The following CALCRL variants were observed in gnomAD, a reference collection of about 807,000 sequenced individuals.
CALCRL encodes calcitonin receptor like receptor, also known as calcitonin gene-related peptide type 1 receptor.
In CALCRL, 27 loss-of-function variants were observed where a neutral mutation model predicts 60.4. The observed-to-expected ratio is 0.45, with a 90% CI of 0.33 to 0.62. The LOEUF (loss-of-function observed/expected upper bound fraction) is 0.62. CALCRL is among the 20% of genes least tolerant of loss of function. The pLI is 0.03. For synonymous variants in CALCRL, 190 were observed against 182.6 expected, an observed-to-expected ratio of 1.04 and a Z score of -0.33; for missense variants, 424 against 540.7, an observed-to-expected ratio of 0.78 and a Z score of 2.14.
intron 1 of CALCRL, among the ~76,000 whole-genome samples, chr2:187,440,221 A>C (rs1690827805): frequency 6.6e-6 from 1 of 152,142 alleles, no homozygotes; most frequent in Admixed American, 6.6e-5. Flanking sequence ...AGACGAAAAA[A>C]AAAAGCATGT....
At chr2:187,393,558 A>G (rs1449804260) in intron 1 of CALCRL, among the ~76,000 whole-genome samples, 3 of 152,136 alleles carry the variant, frequency 2.0e-5, no homozygotes, top group Non-Finnish European at 2.9e-5. Context: ...CTGCCATGAG[A>G]TTGTGAGCAC....
intron 1 of CALCRL, among the ~76,000 whole-genome samples, chr2:187,437,331 AG>A (rs1384081739): frequency 1.3e-5 from 2 of 152,164 alleles, no homozygotes; most frequent in Non-Finnish European, 2.9e-5. Flanking sequence ...TCACGAGATC[AG>A]GAAATCAAGA....
intron 1 of CALCRL, among the ~76,000 whole-genome samples, chr2:187,439,649 C>T (rs1690804970): frequency 6.6e-6 from 1 of 152,078 alleles, no homozygotes; most frequent in Admixed American, 6.6e-5. Context: ...TTTAAATAAT[C>T]ATCGATGTAA....
Position 187,441,532 on chromosome 2 carries a change from G to T in CALCRL, c.-293+6507C>A, listed in dbSNP as rs566352865. Among the ~76,000 whole-genome samples the T allele has an allele frequency of 4.6e-5, 7 of 151,896 alleles. No homozygotes were observed. In the South Asian group the frequency reaches 1.5e-3, roughly 32 times the overall value. ...GTTGGCCTTCGACACCTAGCATAGG[G>T]CCAGGCACCTCATAAGTACCTCTTA... On this transcript the variant is annotated intron_variant, in intron 1 of 14. Coordinates refer to ENST00000392370, the MANE Select transcript of CALCRL (RefSeq NM_005795.6).
intron 10 of CALCRL, among the ~76,000 whole-genome samples, chr2:187,359,849 G>T (rs901293357): frequency 1.3e-5 from 2 of 151,552 alleles, no homozygotes; most frequent in Non-Finnish European, 3.0e-5. Flanking sequence ...TAAAATTGTG[G>T]GTGTGCGTGT....
rs574583766 is a variant in CALCRL, at chr2:187,379,081, A to G, written c.409-50T>C. On this transcript the variant is annotated intron_variant, in intron 7 of 14. Coordinates refer to ENST00000392370, the MANE Select transcript of CALCRL (RefSeq NM_005795.6). Reference sequence around the variant, plus strand: ...TTTGGTTCATATCAATACTATAAGTATCTGTAATCCCACACATGCAGAAGT... The same window carrying G: ...TTTGGTTCATATCAATACTATAAGTGTCTGTAATCCCACACATGCAGAAGT... The G allele has an allele frequency of 9.1e-6, 8 of 877,700 alleles. No homozygotes were observed. In the African/African-American group the frequency reaches 1.2e-4, roughly 13 times the overall value. 54.4% of individuals were successfully genotyped at this position (877,700 alleles called of 1,614,324 possible).
At position 187,416,143 on chromosome 2, in the gene CALCRL, T is replaced by C. The variant is rs184121835; in HGVS notation, c.-292-28387A>G. Among the ~76,000 whole-genome samples the C allele has an allele frequency of 5.3e-5, 8 of 152,350 alleles. No individual in the cohort carries two copies. The East Asian group carries it at 7.7e-4, about 15-fold the overall frequency. ...ATGCAACTCTACTAGGTAACGCATA[T>C]ATTAATTGGATAGACTTAGTCATTT... On this transcript the variant is annotated intron_variant, in intron 1 of 14. Coordinates refer to ENST00000392370, the MANE Select transcript of CALCRL (RefSeq NM_005795.6).
chr2:187,351,529 A>G (rs556073046), intron 14 of CALCRL, among the ~76,000 whole-genome samples: 1 of 151,942 alleles, frequency 6.6e-6, no homozygotes, highest in South Asian at 2.1e-4. Flanking sequence ...AAGACAGGCA[A>G]AAAAGAGAAA....
intron 1 of CALCRL, among the ~76,000 whole-genome samples, chr2:187,403,918 A>G (rs1366742182): frequency 6.6e-6 from 1 of 151,956 alleles, no homozygotes; most frequent in African/African-American, 2.4e-5. Context: ...TCCTTGCTGA[A>G]TTAAGCTGTG....
At chr2:187,427,622 G>A (rs970314652) in intron 1 of CALCRL, among the ~76,000 whole-genome samples, 2 of 152,062 alleles carry the variant, frequency 1.3e-5, no homozygotes, top group Non-Finnish European at 2.9e-5. Context: ...TCTTATGAGA[G>A]GAACTGTTCT....
At chr2:187,398,817 C>G (rs919973696) in intron 1 of CALCRL, among the ~76,000 whole-genome samples, 1 of 151,548 alleles carries the variant, frequency 6.6e-6, no homozygotes, top group Non-Finnish European at 1.5e-5. Flanking sequence ...TCCTATCATA[C>G]AGAGAAAATG....
rs1381329372 is a variant in CALCRL at position 187,345,466 on chromosome 2, T to C, written c.*718A>G. ...TGTTTTGTAGCATCAACTAAGATGT[T>C]TTCCTAATGATATAGAAGTAGGATT... On this transcript the variant is annotated 3_prime_UTR_variant, in exon 15 of 15. Transcript: ENST00000392370. The C allele has an allele frequency of 6.6e-6, 1 of 152,258 alleles. No homozygotes were observed. The highest frequency in any genetic ancestry group is 1.5e-5 in the Non-Finnish European group (1 of 67,854). 9.4% of individuals were successfully genotyped at this position (152,258 alleles called of 1,614,324 possible).
intron 1 of CALCRL, among the ~76,000 whole-genome samples, chr2:187,396,608 T>A (rs573373479): frequency 8.0e-4 from 122 of 151,806 alleles, no homozygotes; most frequent in African/African-American, 2.8e-3. Context: ...CAAAGTAATT[T>A]AAAAAAAGAA....
chr2:187,396,961 A>C (rs1559060429), intron 1 of CALCRL, among the ~76,000 whole-genome samples: 1 of 151,708 alleles, frequency 6.6e-6, no homozygotes, highest in Non-Finnish European at 1.5e-5. Context: ...CTGGTTATAA[A>C]TATGAGTTAG....
chr2:187,386,652 T>G (rs1688215426), intron 3 of CALCRL, among the ~76,000 whole-genome samples: 3 of 152,092 alleles, frequency 2.0e-5, no homozygotes, highest in East Asian at 3.9e-4. Context: ...GCTTACACCC[T>G]GTGAAGTCCA....
At chr2:187,446,017 GAT>G (rs989766468) in intron 1 of CALCRL, among the ~76,000 whole-genome samples, 5 of 150,878 alleles carry the variant, frequency 3.3e-5, no homozygotes, top group Non-Finnish European at 5.9e-5. Flanking sequence ...TGGTATGTAA[GAT>G]AGAAAAAAAA....
intron 1 of CALCRL, among the ~76,000 whole-genome samples, chr2:187,397,563 T>C (rs1688714223): frequency 6.6e-6 from 1 of 151,742 alleles, no homozygotes; most frequent in Non-Finnish European, 1.5e-5. Context: ...TGTATAAATT[T>C]AAGGGTTATA....
rs1437231434 is a variant in CALCRL, at chr2:187,424,987, C to T, written c.-293+23052G>A. On this transcript the variant is annotated intron_variant, in intron 1 of 14. Transcript: ENST00000392370. ...AAAATAAAGTTTTTTATAATGTCTA[C>T]ATAAGGGAAATCAACACTGCATTGA... 3.3e-5 allele frequency among the ~76,000 whole-genome samples: 5 copies of T among 151,912 alleles called. 1 individual carries two copies. Among genetic ancestry groups the T allele is most frequent in the South Asian group, 4.1e-4 (2 of 4,820 alleles).
At chr2:187,383,114 G>C in intron 5 of CALCRL, 59 bp downstream of exon 5, 1 of 1,527,150 alleles carries the variant, frequency 6.5e-7, no homozygotes, top group Non-Finnish European at 8.9e-7. Flanking sequence ...TGATATAATG[G>C]GAGTAGTTTT....
Sources: gnomAD v4.1 joint callset for allele counts (sites outside exome capture counted in the v4.1 genomes callset) on GRCh38, gnomAD v4.1.1 for gene constraint, MANE v1.5 for transcripts, NCBI Gene and HGNC (gene_info 2026-07-23, HGNC 2026-07-21) for gene names.